The following TSPAN9 variants were observed in gnomAD, a reference collection of about 807,000 sequenced individuals.
The protein encoded by TSPAN9 is tetraspanin 9, also known as tetraspanin-9.
TSPAN9 carries 16 observed loss-of-function variants against 31.0 expected under a neutral mutation model. That is an observed-to-expected ratio of 0.52 (90% CI 0.35 to 0.78). The LOEUF (loss-of-function observed/expected upper bound fraction) is 0.78. TSPAN9 is among the 30% of genes least tolerant of loss of function. The pLI, the probability that TSPAN9 is intolerant of heterozygous loss-of-function variation, is 0.01. For missense variants in TSPAN9, 272 were observed against 312.5 expected, an observed-to-expected ratio of 0.87 and a Z score of 0.98; for synonymous variants, 145 against 121.6, an observed-to-expected ratio of 1.19 and a Z score of -1.27.
chr12:3,120,983 G>A (rs961911381), intron 2 of TSPAN9, among the ~76,000 whole-genome samples: 5 of 152,228 alleles, frequency 3.3e-5, no homozygotes, highest in Non-Finnish European at 7.3e-5. Context: ...AGTAGGCCTG[G>A]GTCCAGCCTG....
chr12:3,109,445 T>C (rs1231625443), intron 2 of TSPAN9, among the ~76,000 whole-genome samples: 1 of 151,994 alleles, frequency 6.6e-6, no homozygotes, highest in Non-Finnish European at 1.5e-5. Context: ...TGTGTGTATG[T>C]CGCTTGTGGA....
intron 4 of TSPAN9, 73 bp from the exon 5 acceptor site, chr12:3,278,919 C>T (rs1862846139): frequency 1.3e-6 from 2 of 1,528,942 alleles, no homozygotes; most frequent in African/African-American, 1.4e-5. Flanking sequence ...CCGCCTGTCC[C>T]TGCCTTCCAC....
At chr12:3,080,026 C>T (rs1352327357) in intron 1 of TSPAN9, among the ~76,000 whole-genome samples, 1 of 150,350 alleles carries the variant, frequency 6.7e-6, no homozygotes. Context: ...TGGCCTCAAG[C>T]AATTCTCCTA....
rs1253209999 is a variant in TSPAN9 at position 3,233,190 on chromosome 12, G to A, written c.63+31934G>A. ...TCTCTTTTGGTAGCTTCAGCTTGAA[G>A]CTACCAAAGCTTGAATTCTCAAGCT... On this transcript the variant is annotated intron_variant, in intron 3 of 8. Coordinates refer to ENST00000011898, the MANE Select transcript of TSPAN9 (RefSeq NM_006675.5). Among the ~76,000 whole-genome samples the A allele has an allele frequency of 2.0e-5, 3 of 152,140 alleles. No homozygotes were observed. In the East Asian group the frequency reaches 5.8e-4, roughly 29 times the overall value.
chr12:3,142,842 T>C (rs114353214), intron 2 of TSPAN9, among the ~76,000 whole-genome samples: 2,802 of 152,326 alleles, frequency 0.018, 70 homozygotes, highest in African/African-American at 0.064. Flanking sequence ...TAACAATAGA[T>C]TTTATTTAGA....
Position 3,275,870 on chromosome 12 carries a change from C to A in TSPAN9, c.64-2551C>A, listed in dbSNP as rs145184662. Reference sequence around the variant, plus strand: ...TTGCACTGTCTCTTGGTTAGTAATACGTGGCGGTGTCTGTTCCTACCTTTT... The same window carrying A: ...TTGCACTGTCTCTTGGTTAGTAATAAGTGGCGGTGTCTGTTCCTACCTTTT... On this transcript the variant is annotated intron_variant, in intron 3 of 8. Coordinates refer to ENST00000011898, the MANE Select transcript of TSPAN9 (RefSeq NM_006675.5). Among the ~76,000 whole-genome samples, 58 of 152,372 alleles carry A rather than the reference C, an allele frequency of 3.8e-4. No individual in the cohort carries two copies. The South Asian group carries it at 7.7e-3, about 20-fold the overall frequency.
chr12:3,220,014 G>T (rs959441854), intron 3 of TSPAN9, among the ~76,000 whole-genome samples: 1 of 151,952 alleles, frequency 6.6e-6, no homozygotes, highest in Admixed American at 6.5e-5. Context: ...AAGTAGTGGC[G>T]CATGCTTGTA....
At chr12:3,271,946 G>A (rs1024897116) in intron 3 of TSPAN9, among the ~76,000 whole-genome samples, 2 of 152,216 alleles carry the variant, frequency 1.3e-5, no homozygotes, top group African/African-American at 4.8e-5. Flanking sequence ...TAGCCAGCAT[G>A]TCAGGCTGTG....
intron 2 of TSPAN9, among the ~76,000 whole-genome samples, chr12:3,093,566 C>T (rs2098306069): frequency 6.6e-6 from 1 of 152,184 alleles, no homozygotes; most frequent in Non-Finnish European, 1.5e-5. Context: ...TTGCAGGGAA[C>T]AGAGGGCAGA....
chr12:3,174,190 C>A (rs943399511), intron 2 of TSPAN9: 2 of 152,258 alleles, frequency 1.3e-5, no homozygotes, highest in East Asian at 1.9e-4. Context: ...GCCTCAGCCT[C>A]CTGAGTACCT....
At chr12:3,268,871 T>TCC (rs202119146) in intron 3 of TSPAN9, among the ~76,000 whole-genome samples, 2 of 123,206 alleles carry the variant, frequency 1.6e-5, no homozygotes, top group African/African-American at 3.2e-5. Context: ...CAGCCTGCCC[T>TCC]CTGTGCGTTC....
At chr12:3,089,971 A>C (rs925012762) in intron 2 of TSPAN9, among the ~76,000 whole-genome samples, 1 of 152,174 alleles carries the variant, frequency 6.6e-6, no homozygotes, top group Non-Finnish European at 1.5e-5. Context: ...ATAAAAACTC[A>C]TTATAATATC....
chr12:3,264,888 C>G (rs1024823268), intron 3 of TSPAN9, among the ~76,000 whole-genome samples: 2 of 152,178 alleles, frequency 1.3e-5, no homozygotes, highest in Middle Eastern at 3.2e-3. Flanking sequence ...GGCTGGTAAA[C>G]GAGGGAACCT....
At chr12:3,139,799 C>T (rs1007533395) in intron 2 of TSPAN9, among the ~76,000 whole-genome samples, 35 of 152,180 alleles carry the variant, frequency 2.3e-4, no homozygotes, top group African/African-American at 7.7e-4. Flanking sequence ...CCACCTCCCT[C>T]GGCCTCCCCT....
In TSPAN9 at chr12:3,201,238, C is replaced by T. The variant is rs775890730; in HGVS notation, c.45C>T (p.Leu15=). ...CLCCLKYMMF[L]FNLIFWLCGC... is the part of the protein sequence containing the mutation. ...GCTGCTTGAAGTACATGATGTTCCT[C>T]TTCAATTTGATATTCTGGGTAAGTC... Residue 15 remains leucine, a synonymous_variant, in exon 3 of 9, where the codon CTC becomes CTT. Coordinates refer to ENST00000011898, the MANE Select transcript of TSPAN9 (RefSeq NM_006675.5). 2 of 1,614,124 alleles carry T rather than the reference C, an allele frequency of 1.2e-6. No homozygotes were observed. The highest frequency in any genetic ancestry group is 2.2e-5 in the South Asian group (2 of 91,082).
At chr12:3,127,644 C>T (rs995048473) in intron 2 of TSPAN9, among the ~76,000 whole-genome samples, 6 of 152,030 alleles carry the variant, frequency 3.9e-5, no homozygotes, top group South Asian at 2.1e-4. Flanking sequence ...TGTGAGCCAC[C>T]GCACCCAGCC....
intron 3 of TSPAN9, among the ~76,000 whole-genome samples, chr12:3,264,756 T>C (rs1188417716): frequency 6.6e-6 from 1 of 152,202 alleles, no homozygotes; most frequent in Non-Finnish European, 1.5e-5. Flanking sequence ...CAAGGCGCCA[T>C]GCTAGGAAGT....
At chr12:3,208,180 G>T (rs1486230148) in intron 3 of TSPAN9, among the ~76,000 whole-genome samples, 1 of 152,238 alleles carries the variant, frequency 6.6e-6, no homozygotes. Context: ...CCACGGGTTG[G>T]AGTATGGACC....
intron 2 of TSPAN9, among the ~76,000 whole-genome samples, chr12:3,166,773 T>C (rs1202969999): frequency 6.6e-6 from 1 of 152,138 alleles, no homozygotes; most frequent in Non-Finnish European, 1.5e-5. Context: ...TCTAACAGCA[T>C]AGATTAGTGT....
Sources: allele counts gnomAD v4.1 joint callset (sites outside exome capture counted in the v4.1 genomes callset), GRCh38; gene constraint gnomAD v4.1.1; transcripts MANE v1.5; gene names NCBI Gene and HGNC (gene_info 2026-07-23, HGNC 2026-07-21).